The following GPR89B variants were observed in gnomAD, a reference collection of about 807,000 sequenced individuals.
GPR89B encodes golgi pH regulator B, also known as G protein-coupled receptor 89B.
GPR89B carries 25 observed loss-of-function variants against 52.4 expected under a neutral mutation model. The observed-to-expected ratio is 0.48, with a 90% CI of 0.35 to 0.67. GPR89B has a LOEUF of 0.67. Ranked by LOEUF, GPR89B falls within the 30% of genes least tolerant of loss-of-function variation. The pLI is 0.01. For synonymous variants in GPR89B, 52 were observed against 151.2 expected, an observed-to-expected ratio of 0.34 and a Z score of 4.81; for missense variants, 146 against 450.2, an observed-to-expected ratio of 0.32 and a Z score of 6.11.
chr1:147,989,809 AT>A (rs1658928549), intron 12 of GPR89B, among the ~76,000 whole-genome samples: 1 of 151,992 alleles, frequency 6.6e-6, no homozygotes, highest in African/African-American at 2.4e-5. Flanking sequence ...TATGTGCCAC[AT>A]TTTCTTAATC....
rs781860544 is a variant in GPR89B at position 147,943,400 on chromosome 1, C to T, written c.207-38C>T. The T allele has an allele frequency of 1.9e-6, 3 of 1,599,406 alleles. No individual in the cohort carries two copies. The Admixed American group carries it at 5.1e-5, about 27-fold the overall frequency. On this transcript the variant is annotated intron_variant, in intron 3 of 13. Transcript: ENST00000314163. ...TAAAGAGAAAGAAAGTTGCTGCCCT[C>T]TCTTCCTCCCAGTGACAGTCTTTGA...
At chr1:147,972,665 A>T (rs1224157275) in intron 10 of GPR89B, among the ~76,000 whole-genome samples, 3,289 of 149,216 alleles carry the variant, frequency 0.022, 154 homozygotes, top group African/African-American at 0.078. Flanking sequence ...ATTTTTTTTT[A>T]AATTTTAAGT....
intron 10 of GPR89B, among the ~76,000 whole-genome samples, chr1:147,984,478 C>G (rs1309845677): frequency 7.0e-6 from 1 of 142,652 alleles, no homozygotes; most frequent in Non-Finnish European, 1.5e-5. Flanking sequence ...TTGAACTTTT[C>G]AAAGAACCAA....
chr1:147,949,662 G>A lies in GPR89B; in HGVS notation c.416-3683G>A, dbSNP rs587773913. Among the ~76,000 whole-genome samples the A allele has an allele frequency of 1.2e-3, 167 of 137,696 alleles. 1 individual carries two copies. The highest frequency in any genetic ancestry group is 2.0e-3 in the Non-Finnish European group (129 of 64,382). 90.3% of individuals were successfully genotyped at this position (137,696 alleles called of 152,430 possible). ...TCCCTCCCGGATGGGGCGGCTGGCC[G>A]GGCGGGGGGCTGACCCCCCCACCTC... On this transcript the variant is annotated intron_variant, in intron 5 of 13. Coordinates refer to ENST00000314163, the MANE Select transcript of GPR89B (RefSeq NM_016334.5).
Position 147,952,072 on chromosome 1 carries a change from C to T in GPR89B, c.416-1273C>T, listed in dbSNP as rs1390394195. Among the ~76,000 whole-genome samples, 5 of 152,070 alleles carry T rather than the reference C, an allele frequency of 3.3e-5. No individual in the cohort carries two copies. The East Asian group carries it at 9.7e-4, about 29-fold the overall frequency. On this transcript the variant is annotated intron_variant, in intron 5 of 13. Transcript: ENST00000314163. ...ATAGCTATGTCTTTTATAATAAGGA[C>T]ATTGGCAAAGGAGAAGGACAAAGGT...
chr1:147,948,551 TCTAAA>T (rs1266572473), intron 5 of GPR89B, among the ~76,000 whole-genome samples: 2 of 151,360 alleles, frequency 1.3e-5, no homozygotes, highest in African/African-American at 4.9e-5. Flanking sequence ...ACTCCAGGAA[TCTAAA>T]CAACTAGAAA....
At chr1:147,946,006 A>G (rs1421994089) in intron 5 of GPR89B, among the ~76,000 whole-genome samples, 2 of 151,932 alleles carry the variant, frequency 1.3e-5, no homozygotes, top group Non-Finnish European at 2.9e-5. Flanking sequence ...GATTACAAGT[A>G]TGAGCCACCA....
intron 10 of GPR89B, among the ~76,000 whole-genome samples, chr1:147,983,209 C>G (rs1385955689): frequency 5.9e-5 from 9 of 152,112 alleles, no homozygotes; most frequent in African/African-American, 2.2e-4. Context: ...AGACCTAAAA[C>G]CATAAAAACC....
At chr1:147,940,109 T>C (rs1654422646) in intron 3 of GPR89B, among the ~76,000 whole-genome samples, 1 of 151,226 alleles carries the variant, frequency 6.6e-6, no homozygotes, top group Non-Finnish European at 1.5e-5. Flanking sequence ...TAAACTTTAA[T>C]AATCCAAACC....
the GPR89B span, among the ~76,000 whole-genome samples, chr1:148,016,842 C>A: frequency 6.6e-6 from 1 of 150,834 alleles, no homozygotes; most frequent in Non-Finnish European, 1.5e-5. Flanking sequence ...CACTGATAAT[C>A]TTTTCATTTA....
chr1:147,951,407 A>G (rs1423373355), intron 5 of GPR89B, among the ~76,000 whole-genome samples: 1 of 152,106 alleles, frequency 6.6e-6, no homozygotes, highest in Non-Finnish European at 1.5e-5. Context: ...AGAAAGCTGG[A>G]TTGCAGTCAG....
Position 147,936,671 on chromosome 1 carries a change from G to A in GPR89B, c.87G>A (p.Leu29=). The A allele has an allele frequency of 5.0e-6, 8 of 1,610,964 alleles. No individual in the cohort carries two copies. Among genetic ancestry groups the A allele is most frequent in the Non-Finnish European group, 6.8e-6 (8 of 1,177,872 alleles). Residue 29 remains leucine (L), a synonymous_variant, in exon 2 of 14, where the codon TTG becomes TTA. Transcript: ENST00000314163. ...GGTGGCTTTTCTTCATGCGCCAATT[G>A]TTTAAAGACTATGAGGTGAGAAGAA... The part of the protein sequence containing the change: ...GFGWLFFMRQ[L]FKDYEIRQYV...
chr1:148,012,494 G>A, the GPR89B span, among the ~76,000 whole-genome samples: 7 of 93,748 alleles, frequency 7.5e-5, no homozygotes, highest in South Asian at 1.6e-3. Flanking sequence ...TCCCCTCCCC[G>A]CCCCACTCCC....
intron 1 of GPR89B, among the ~76,000 whole-genome samples, chr1:147,929,554 GTGTT>G (rs1348967827): frequency 2.3e-4 from 35 of 152,300 alleles, no homozygotes; most frequent in African/African-American, 8.2e-4. Context: ...TTGTGTGTGT[GTGTT>G]TGTTTTTGCT....
At chr1:147,980,788 C>T (rs1400473973) in intron 10 of GPR89B, among the ~76,000 whole-genome samples, 2,239 of 128,898 alleles carry the variant, frequency 0.017, 76 homozygotes, top group African/African-American at 0.063. Flanking sequence ...CACTGCACTC[C>T]AGCCTGGGCG....
chr1:147,970,525 C>A (rs1443961485), intron 10 of GPR89B, among the ~76,000 whole-genome samples: 2 of 145,014 alleles, frequency 1.4e-5, no homozygotes, highest in Admixed American at 6.9e-5. Flanking sequence ...CTCTCTCTCT[C>A]TCTCTCTCTA....
At chr1:147,947,403 C>G (rs1488301622) in intron 5 of GPR89B, among the ~76,000 whole-genome samples, 1 of 149,506 alleles carries the variant, frequency 6.7e-6, no homozygotes, top group African/African-American at 2.5e-5. Context: ...AAAAGTACTT[C>G]TTGTGCTGTG....
At chr1:147,932,425 A>G (rs1442675949) in intron 1 of GPR89B, among the ~76,000 whole-genome samples, 7 of 152,180 alleles carry the variant, frequency 4.6e-5, no homozygotes, top group Admixed American at 3.9e-4. Context: ...CTACTATAGA[A>G]AATCACATAG....
chr1:147,933,367 A>G (rs1553247379), intron 1 of GPR89B, among the ~76,000 whole-genome samples: 1 of 151,388 alleles, frequency 6.6e-6, no homozygotes, highest in Admixed American at 6.6e-5. Flanking sequence ...CTTATCCTCT[A>G]GTGTTTTCTT....
Sources: gnomAD v4.1 joint callset for allele counts (sites outside exome capture counted in the v4.1 genomes callset) on GRCh38, gnomAD v4.1.1 for gene constraint, MANE v1.5 for transcripts, NCBI Gene and HGNC (gene_info 2026-07-23, HGNC 2026-07-21) for gene names.